The following TJP1 variants were observed in gnomAD, a reference collection of about 807,000 sequenced individuals.
TJP1 encodes the protein tight junction protein 1.
In TJP1, 43 loss-of-function variants were observed where a neutral mutation model predicts 194.2. The observed-to-expected ratio is 0.22, with a 90% CI of 0.17 to 0.29. The LOEUF is 0.29. TJP1 is among the 10% of genes least tolerant of loss of function. TJP1 has a pLI of 1.00. For missense variants in TJP1, 1,971 were observed against 2,185.7 expected, an observed-to-expected ratio of 0.90 and a Z score of 1.96; for synonymous variants, 801 against 779.0, an observed-to-expected ratio of 1.03 and a Z score of -0.47.
chr15:29,798,118 G>A (rs552919212), intron 2 of TJP1, among the ~76,000 whole-genome samples: 4 of 152,050 alleles, frequency 2.6e-5, no homozygotes, highest in South Asian at 2.1e-4. Context: ...GACTACAGGC[G>A]CCTGCCACCA....
chr15:29,731,251 G>C (rs1168326318), intron 15 of TJP1, among the ~76,000 whole-genome samples: 3 of 152,090 alleles, frequency 2.0e-5, no homozygotes, highest in Non-Finnish European at 4.4e-5. Context: ...CAGGAGGAGG[G>C]ATTCCTTGAC....
At chr15:29,699,910 G>C (rs1023321513), downstream of TJP1, 10 of 201,684 alleles carry the variant, frequency 5.0e-5, no homozygotes, top group African/African-American at 2.3e-4. Context: ...GGGGGAAGTC[G>C]GCCTGCTGCC....
At chr15:29,741,026 C>A in intron 10 of TJP1, 2 of 192,776 alleles carry the variant, frequency 1.0e-5, no homozygotes, top group South Asian at 1.1e-4. Flanking sequence ...TTTTTTAATG[C>A]TCCATTGGAA....
At chr15:29,727,050 C>T in intron 16 of TJP1, 59 bp from the exon 17 acceptor site, 1 of 1,509,870 alleles carries the variant, frequency 6.6e-7, no homozygotes, top group Non-Finnish European at 9.1e-7. Flanking sequence ...TAAGAATCAC[C>T]AAATTCAGCT....
exon 1 of TJP1, chr15:29,968,681 G>C: frequency 8.9e-7 from 1 of 1,128,264 alleles, no homozygotes; most frequent in Non-Finnish European, 1.1e-6. Flanking sequence ...GCTTCCTCTT[G>C]AGCGGCAGGA....
At position 29,718,556 on chromosome 15, in the gene TJP1, A is replaced by T. The variant is rs778359458; in HGVS notation, c.3586T>A (p.Ser1196Thr). 2 of 1,614,126 alleles carry T rather than the reference A, an allele frequency of 1.2e-6. No individual in the cohort carries two copies. The highest frequency in any genetic ancestry group is 1.7e-6 in the Non-Finnish European group (2 of 1,180,024). Reference protein sequence around the residue: ...AESKQYFEQYSRSYEQVPPQG... With the variant: ...AESKQYFEQYTRSYEQVPPQG... ...GGTGGTACTTGCTCGTAACTGCGTGAATATTGCTCAAAATACTGCTTGGAC... is the reference window on the plus strand; with the variant it reads ...GGTGGTACTTGCTCGTAACTGCGTGTATATTGCTCAAAATACTGCTTGGAC... The change falls in exon 21 of 28, where the codon TCA (serine) becomes ACA (threonine). Residue 1196 changes from serine (S) to threonine (T), a missense_variant. Physicochemically the swap from Ser to Thr is moderately conservative, Grantham distance 58 (BLOSUM62 1). Around this residue, in one of 5 missense-constraint regions of TJP1, gnomAD observed 1,108 missense variants for 1,128.5 expected, o/e 0.98. Transcript: ENST00000614355.
At chr15:29,715,899 T>C (rs895016506) in intron 23 of TJP1, among the ~76,000 whole-genome samples, 3 of 152,234 alleles carry the variant, frequency 2.0e-5, no homozygotes, top group Non-Finnish European at 2.9e-5. Context: ...CTTGTGGGTT[T>C]TGTTCTATTG....
At position 29,770,787 on chromosome 15, in the gene TJP1, T is replaced by C. The variant is rs535325123; in HGVS notation, c.312+1277A>G. On this transcript the variant is annotated intron_variant, in intron 4 of 27. Transcript: ENST00000614355. ...GAGAGTCAAAAAGTTAGAAAGTTTA[T>C]AGGTTAAAAAAGTTTCAGTAAGCTA... is the stretch of plus-strand genomic sequence containing the variant. Among the ~76,000 whole-genome samples, 27 of 152,076 alleles carry C rather than the reference T, an allele frequency of 1.8e-4. No homozygotes were observed. The South Asian group carries it at 5.2e-3, about 29-fold the overall frequency.
At chr15:29,764,676 G>A (rs2046222374) in intron 5 of TJP1, among the ~76,000 whole-genome samples, 1 of 152,152 alleles carries the variant, frequency 6.6e-6, no homozygotes, top group Non-Finnish European at 1.5e-5. Context: ...TGTCATCTGG[G>A]AATGGCCTGA....
intron 1 of TJP1, 32 bp downstream of exon 1, chr15:29,821,970 G>C: frequency 1.6e-6 from 2 of 1,261,684 alleles, no homozygotes; most frequent in Non-Finnish European, 2.0e-6. Context: ...CGGTCGGCCC[G>C]GTCTGGCCCT....
chr15:29,801,697 C>A (rs6495922), intron 1 of TJP1, among the ~76,000 whole-genome samples: 1 of 151,450 alleles, frequency 6.6e-6, no homozygotes, highest in South Asian at 2.1e-4. Flanking sequence ...TCCTGACCTC[C>A]TGATCCGCCC....
intron 2 of TJP1, among the ~76,000 whole-genome samples, chr15:29,953,702 A>G (rs1376817849): frequency 6.6e-6 from 1 of 152,174 alleles, no homozygotes; most frequent in African/African-American, 2.4e-5. Context: ...AGATACAGGA[A>G]ATGTAAATTG....
chr15:29,791,523 C>T (rs1243923816), intron 2 of TJP1, among the ~76,000 whole-genome samples: 2 of 150,160 alleles, frequency 1.3e-5, no homozygotes, highest in African/African-American at 4.9e-5. Context: ...CAGGTTCACG[C>T]CATTCTCCTG....
At chr15:29,774,528 C>T (rs188285723) in intron 2 of TJP1, among the ~76,000 whole-genome samples, 4 of 151,954 alleles carry the variant, frequency 2.6e-5, no homozygotes, top group Admixed American at 2.0e-4. Context: ...TCTATTATTC[C>T]GTTTATATAA....
intron 10 of TJP1, among the ~76,000 whole-genome samples, chr15:29,738,212 C>T (rs2044163906): frequency 6.6e-6 from 1 of 152,126 alleles, no homozygotes; most frequent in African/African-American, 2.4e-5. Context: ...CACTATATTT[C>T]CCTTCTAGGG....
chr15:29,790,747 TTTTC>T (rs1263015965), intron 2 of TJP1, among the ~76,000 whole-genome samples: 12 of 150,064 alleles, frequency 8.0e-5, no homozygotes, highest in African/African-American at 2.7e-4. Context: ...GTGAGTTCAT[TTTTC>T]TTTTTTTTTT....
intron 2 of TJP1, among the ~76,000 whole-genome samples, chr15:29,897,503 C>G (rs553814923): frequency 6.6e-6 from 1 of 152,230 alleles, no homozygotes; most frequent in African/African-American, 2.4e-5. Flanking sequence ...AGATTCCCTA[C>G]TGGGGCACTG....
chr15:29,814,210 C>T (rs904601757), intron 1 of TJP1, among the ~76,000 whole-genome samples: 7 of 152,176 alleles, frequency 4.6e-5, no homozygotes, highest in East Asian at 1.9e-4. Context: ...CCTCCTCCAA[C>T]GAAGAAAGCA....
intron 2 of TJP1, among the ~76,000 whole-genome samples, chr15:29,899,029 T>G (rs1168177277): frequency 6.6e-6 from 1 of 151,940 alleles, no homozygotes; most frequent in Non-Finnish European, 1.5e-5. Context: ...AGATAAGGAG[T>G]GTTAGGGTGG....
Sources: gnomAD v4.1 joint callset for allele counts (sites outside exome capture counted in the v4.1 genomes callset) on GRCh38, gnomAD v4.1.1 for gene constraint, gnomAD v4.1.1 regional missense constraint, MANE v1.5 for transcripts, NCBI Gene and HGNC (gene_info 2026-07-23, HGNC 2026-07-21) for gene names.